The following SCYL2 variants were observed in gnomAD, a reference collection of about 807,000 sequenced individuals.
The protein encoded by SCYL2 is SCY1-like protein 2.
In SCYL2, 36 loss-of-function variants were observed where a neutral mutation model predicts 100.4. The observed-to-expected ratio is 0.36, with a 90% CI of 0.27 to 0.47. SCYL2 has a LOEUF of 0.47. Among genes scored for constraint, SCYL2 ranks in the 20% least tolerant of loss-of-function variants. The pLI is 1.00. For synonymous variants in SCYL2, 330 were observed against 359.2 expected (o/e 0.92, Z 0.92); for missense variants, 902 against 1,083.9 (o/e 0.83, Z 2.36).
chr12:100,298,299 T>C (rs2096323381), intron 4 of SCYL2, 124 bp downstream of exon 4: 3 of 660,082 alleles, frequency 4.5e-6, no homozygotes, highest in Non-Finnish European at 4.8e-6. Context: ...AGTAATTTAG[T>C]CATTATTCCT....
At chr12:100,330,840 T>C (rs4015929) in intron 13 of SCYL2, among the ~76,000 whole-genome samples, 2 of 150,502 alleles carry the variant, frequency 1.3e-5, no homozygotes, top group East Asian at 3.9e-4. Context: ...CTTTTTTTTT[T>C]TTTTTTGAGA....
chr12:100,285,892 A>T (rs1300457113), intron 2 of SCYL2, among the ~76,000 whole-genome samples: 1 of 152,122 alleles, frequency 6.6e-6, no homozygotes, highest in Non-Finnish European at 1.5e-5. Context: ...CTAATTTTTA[A>T]GTTATACTTT....
At chr12:100,305,058 G>A (rs2096332602) in intron 4 of SCYL2, among the ~76,000 whole-genome samples, 1 of 152,182 alleles carries the variant, frequency 6.6e-6, no homozygotes, top group Non-Finnish European at 1.5e-5. Flanking sequence ...AATAGTGGGT[G>A]ACTTTAACAG....
intron 1 of SCYL2, among the ~76,000 whole-genome samples, chr12:100,271,429 TAATTCTTAATTAGAATTACAA>T (rs925956365): frequency 4.6e-5 from 7 of 152,240 alleles, no homozygotes; most frequent in African/African-American, 1.7e-4. Context: ...TTCTTGAATG[TAATTCTTAATTAGAATTACAA>T]AAATTCATTG....
rs774244120 is a variant in SCYL2, at chr12:100,323,653, A to C, written c.1509+15A>C. ...CTTCCCTTGCGGTAAGTAATTGCAT[A>C]TTAATTTTTGTTTTTCTTTTCACTT... On this transcript the variant is annotated intron_variant, in intron 11 of 17. Coordinates refer to ENST00000360820, the MANE Select transcript of SCYL2 (RefSeq NM_017988.6). 1.4e-6 allele frequency: 2 copies of C among 1,418,480 alleles called. No homozygotes were observed. The highest frequency in any genetic ancestry group is 2.3e-5 in the East Asian group (1 of 43,798). The allele number at this position is 1,418,480 out of a possible 1,614,324, so 87.9% of individuals were successfully genotyped here.
At chr12:100,269,505 T>C (rs1270040535) in intron 1 of SCYL2, among the ~76,000 whole-genome samples, 1 of 152,136 alleles carries the variant, frequency 6.6e-6, no homozygotes, top group Non-Finnish European at 1.5e-5. Context: ...GTGCTGAATG[T>C]TTATTAAATG....
intron 4 of SCYL2, among the ~76,000 whole-genome samples, chr12:100,307,463 C>G (rs2096336048): frequency 6.6e-6 from 1 of 152,060 alleles, no homozygotes; most frequent in Non-Finnish European, 1.5e-5. Flanking sequence ...GAAACTGGAC[C>G]CCTTCCTTAC....
chr12:100,288,646 G>A (rs2135844590), intron 2 of SCYL2, among the ~76,000 whole-genome samples: 1 of 152,076 alleles, frequency 6.6e-6, no homozygotes, highest in East Asian at 1.9e-4. Context: ...GACCAGCCTG[G>A]ACAACATAGT....
rs746202202 is a variant in SCYL2, at chr12:100,311,242, T to C, written c.630+49T>C. On this transcript the variant is annotated intron_variant, in intron 5 of 17. Coordinates refer to ENST00000360820, the MANE Select transcript of SCYL2 (RefSeq NM_017988.6). Reference sequence around the variant, plus strand: ...ATTTTTGAGGCCAGGGAAATTTTGATTGCATCTGGAATGGACTAGAAATAG... The same window carrying C: ...ATTTTTGAGGCCAGGGAAATTTTGACTGCATCTGGAATGGACTAGAAATAG... 9 of 1,551,582 alleles carry C rather than the reference T, an allele frequency of 5.8e-6. No individual in the cohort carries two copies. The South Asian group carries it at 1.1e-4, about 20-fold the overall frequency.
chr12:100,328,125 A>G (rs527507923), intron 12 of SCYL2, among the ~76,000 whole-genome samples: 8 of 152,224 alleles, frequency 5.3e-5, no homozygotes, highest in African/African-American at 1.9e-4. Context: ...TAGAAATACA[A>G]TAATTAGCCA....
chr12:100,303,457 T>C (rs929909420), intron 4 of SCYL2, among the ~76,000 whole-genome samples: 2 of 152,164 alleles, frequency 1.3e-5, no homozygotes, highest in African/African-American at 4.8e-5. Context: ...TTTGTTGATG[T>C]TGATGTTTTC....
chr12:100,309,364 A>C (rs949999916), intron 4 of SCYL2, among the ~76,000 whole-genome samples: 2 of 152,164 alleles, frequency 1.3e-5, no homozygotes, highest in African/African-American at 4.8e-5. Flanking sequence ...CCCCTGAAAC[A>C]GTATCTCCTT....
At chr12:100,306,922 G>T (rs925235353) in intron 4 of SCYL2, among the ~76,000 whole-genome samples, 1 of 152,052 alleles carries the variant, frequency 6.6e-6, no homozygotes, top group African/African-American at 2.4e-5. Flanking sequence ...AAATACCTAG[G>T]AATACAACTT....
At chr12:100,306,774 A>G (rs2096334940) in intron 4 of SCYL2, among the ~76,000 whole-genome samples, 1 of 152,220 alleles carries the variant, frequency 6.6e-6, no homozygotes, top group African/African-American at 2.4e-5. Context: ...AAATCTCCTT[A>G]TGCTGATAAG....
At chr12:100,296,690 A>G (rs775922338) in intron 3 of SCYL2, 1 of 152,250 alleles carries the variant, frequency 6.6e-6, no homozygotes, top group Non-Finnish European at 1.5e-5. Context: ...AAGCAAAAAA[A>G]AATAGATTCA....
In SCYL2 at chr12:100,302,237, T is replaced by C. The variant is rs140232365; in HGVS notation, c.480+4062T>C. 1.4e-4 allele frequency among the ~76,000 whole-genome samples: 21 copies of C among 152,258 alleles called. 1 individual carries two copies. In the East Asian group the frequency reaches 3.9e-3, roughly 28 times the overall value. ...GCCTGGGGTTGGGTGGGGGAGGTGG[T>C]GCAAGCACTCCCTTATCTGTCCCAG... On this transcript the variant is annotated intron_variant, in intron 4 of 17. Transcript: ENST00000360820.
At chr12:100,285,809 G>GTTCT (rs2096303888) in intron 2 of SCYL2, among the ~76,000 whole-genome samples, 1 of 152,006 alleles carries the variant, frequency 6.6e-6, no homozygotes, top group South Asian at 2.1e-4. Context: ...ACATTGTTAT[G>GTTCT]TTCTTTGTTG....
chr12:100,270,187 C>T (rs531588808), intron 1 of SCYL2, among the ~76,000 whole-genome samples: 1 of 152,002 alleles, frequency 6.6e-6, no homozygotes, highest in Non-Finnish European at 1.5e-5. Context: ...GGCGTTTCAC[C>T]GTGTTAGGCA....
chr12:100,313,963 C>T lies in SCYL2; in HGVS notation c.969+425C>T, dbSNP rs1378356030. Among the ~76,000 whole-genome samples the T allele has an allele frequency of 1.6e-4, 25 of 151,646 alleles. 1 individual carries two copies. The highest frequency in any genetic ancestry group is 1.4e-3 in the Admixed American group (22 of 15,222). ...TGGCACGATCTCCACTCAATGCAAC[C>T]TCCACCTCCCAGGTTCAAGCAATTC... On this transcript the variant is annotated intron_variant, in intron 7 of 17. Coordinates refer to ENST00000360820, the MANE Select transcript of SCYL2 (RefSeq NM_017988.6).
Sources: gnomAD v4.1 joint callset for allele counts (sites outside exome capture counted in the v4.1 genomes callset) on GRCh38, gnomAD v4.1.1 for gene constraint, MANE v1.5 for transcripts, NCBI Gene and HGNC (gene_info 2026-07-23, HGNC 2026-07-21) for gene names.